Variants in LAMA3 observed in about 807,000 individuals in gnomAD.
The protein encoded by LAMA3 is laminin subunit alpha 3, also known as laminin subunit alpha-3.
Under a neutral mutation model 402.0 loss-of-function variants are expected in LAMA3, and 281 were observed. The observed-to-expected ratio is 0.70, with a 90% CI of 0.63 to 0.77. The LOEUF (loss-of-function observed/expected upper bound fraction) is 0.77. LAMA3 is among the 30% of genes least tolerant of loss of function. The pLI is 0.00. For synonymous variants in LAMA3, 1,431 were observed against 1,558.4 expected, an observed-to-expected ratio of 0.92 and a Z score of 1.93; for missense variants, 3,840 against 4,215.5, an observed-to-expected ratio of 0.91 and a Z score of 2.47.
At chr18:23,817,621 A>G (rs2063201787) in intron 18 of LAMA3, among the ~76,000 whole-genome samples, 1 of 152,182 alleles carries the variant, frequency 6.6e-6, no homozygotes, top group Non-Finnish European at 1.5e-5. Flanking sequence ...AGGCTGAGGC[A>G]GGAGGATAGC....
Position 23,738,486 on chromosome 18 carries a change from A to G in LAMA3, c.448-9457A>G, listed in dbSNP as rs546078600. 7.2e-5 allele frequency among the ~76,000 whole-genome samples: 11 copies of G among 152,196 alleles called. No homozygotes were observed. In the East Asian group the frequency reaches 2.1e-3, roughly 29 times the overall value. On this transcript the variant is annotated intron_variant, in intron 2 of 74. Transcript: ENST00000313654. ...ATTTTGCTAGTGAAAGAAAAACAGT[A>G]CTCAATGAGGGTGGAGGGAGCATAG...
intron 48 of LAMA3, among the ~76,000 whole-genome samples, chr18:23,901,842 C>T (rs973806542): frequency 2.6e-5 from 4 of 152,234 alleles, no homozygotes; most frequent in South Asian, 2.1e-4. Flanking sequence ...ATATATTTGG[C>T]GCCACCACGC....
chr18:23,789,621 A>G (rs1488317398), intron 12 of LAMA3, among the ~76,000 whole-genome samples: 1 of 152,218 alleles, frequency 6.6e-6, no homozygotes, highest in African/African-American at 2.4e-5. Flanking sequence ...AGGAAAATTT[A>G]TAGAGATTGA....
At chr18:23,750,069 C>T (rs569579512) in intron 4 of LAMA3, among the ~76,000 whole-genome samples, 18 of 152,262 alleles carry the variant, frequency 1.2e-4, no homozygotes, top group East Asian at 3.9e-4. Flanking sequence ...GCCGATCCTA[C>T]GTGATCCCTG....
intron 42 of LAMA3, among the ~76,000 whole-genome samples, chr18:23,893,795 G>T (rs2080776602): frequency 6.6e-6 from 1 of 152,114 alleles, no homozygotes; most frequent in African/African-American, 2.4e-5. Context: ...GCTAGCATGG[G>T]GCTCTGTTAC....
At chr18:23,952,455 T>G (rs373341408) in intron 73 of LAMA3, among the ~76,000 whole-genome samples, 1 of 152,250 alleles carries the variant, frequency 6.6e-6, no homozygotes, top group Non-Finnish European at 1.5e-5. Context: ...TAGAGATCTA[T>G]GAACCCATAT....
chr18:23,808,204 A>C (rs1218210248), intron 12 of LAMA3, among the ~76,000 whole-genome samples: 2 of 152,126 alleles, frequency 1.3e-5, no homozygotes, highest in African/African-American at 4.8e-5. Flanking sequence ...TGGGCACCAA[A>C]AGGCAAGGAT....
intron 6 of LAMA3, among the ~76,000 whole-genome samples, chr18:23,754,704 T>C (rs1409068393): frequency 2.0e-5 from 3 of 152,214 alleles, no homozygotes; most frequent in Admixed American, 6.5e-5. Flanking sequence ...GCATGAGTCT[T>C]AAATGTTGAG....
At chr18:23,777,455 C>A in intron 10 of LAMA3, 102 bp from the exon 11 acceptor site, 1 of 821,444 alleles carries the variant, frequency 1.2e-6, no homozygotes, top group South Asian at 1.4e-5. Flanking sequence ...TGCTACTTTT[C>A]ACTAAGTGAC....
At chr18:23,765,747 C>T (rs957631271) in intron 8 of LAMA3, among the ~76,000 whole-genome samples, 5 of 151,876 alleles carry the variant, frequency 3.3e-5, no homozygotes, top group African/African-American at 1.2e-4. Flanking sequence ...TAATAAATAT[C>T]AGTAGGGAAA....
At chr18:23,942,703 A>G (rs1239629710) in intron 68 of LAMA3, among the ~76,000 whole-genome samples, 2 of 151,206 alleles carry the variant, frequency 1.3e-5, no homozygotes, top group African/African-American at 4.9e-5. Context: ...TCAGCCTCCC[A>G]AGTTAGTTGG....
At chr18:23,836,558 T>A (rs2063585190) in intron 24 of LAMA3, among the ~76,000 whole-genome samples, 1 of 152,194 alleles carries the variant, frequency 6.6e-6, no homozygotes, top group Admixed American at 6.5e-5. Context: ...ACTCAGGGTC[T>A]TTCCATGCTG....
intron 58 of LAMA3, 89 bp downstream of exon 58, chr18:23,914,949 A>T: frequency 9.1e-7 from 1 of 1,097,174 alleles, no homozygotes; most frequent in Non-Finnish European, 1.4e-6. Context: ...TTAATTACAT[A>T]TAAAATGGAT....
intron 6 of LAMA3, 97 bp from the exon 7 acceptor site, chr18:23,758,299 G>T: frequency 1.2e-6 from 1 of 806,386 alleles, no homozygotes; most frequent in South Asian, 1.5e-5. Flanking sequence ...TGCCGTGGAT[G>T]ACCGTGATGA....
In LAMA3 at chr18:23,847,619, A is replaced by G; in HGVS notation, c.4087A>G (p.Thr1363Ala). 1 of 1,613,994 alleles carries G rather than the reference A, an allele frequency of 6.2e-7. No individual in the cohort carries two copies. The highest frequency in any genetic ancestry group is 8.5e-7 in the Non-Finnish European group (1 of 1,180,012). The stretch of plus-strand genomic sequence containing the variant: ...AGGCTGCAACTGTTCCAGGAGGGGC[A>G]CCATCGAGGCTGCCATGCCGGAGTG... ...CEGCNCSRRG[T>A]IEAAMPECDR... The change falls in exon 32 of 75, where the codon ACC becomes GCC. Residue 1363 changes from threonine (T) to alanine (A), a missense_variant. By Grantham distance (58) the Thr-to-Ala change is moderately conservative. Coordinates refer to ENST00000313654, the MANE Select transcript of LAMA3 (RefSeq NM_198129.4).
rs569112791 is a variant in LAMA3, at chr18:23,947,545, C to T, written c.9351+1261C>T. 1.1e-4 allele frequency among the ~76,000 whole-genome samples: 17 copies of T among 152,288 alleles called. No individual in the cohort carries two copies. In the South Asian group the frequency reaches 3.3e-3, roughly 30 times the overall value. ...TAGGCTGCCCTAGCCTTGACCAGGG[C>T]TCAGCCTGGCCCTCTTGGGTTTTGC... On this transcript the variant is annotated intron_variant, in intron 70 of 74. Coordinates refer to ENST00000313654, the MANE Select transcript of LAMA3 (RefSeq NM_198129.4).
intron 12 of LAMA3, among the ~76,000 whole-genome samples, chr18:23,799,151 C>G (rs2062822914): frequency 6.6e-6 from 1 of 152,216 alleles, no homozygotes; most frequent in East Asian, 1.9e-4. Flanking sequence ...CCCCTGTCCT[C>G]TAGGACCTTT....
chr18:23,928,862 C>T (rs1402090016), intron 64 of LAMA3, 97 bp downstream of exon 64: 9 of 1,181,426 alleles, frequency 7.6e-6, no homozygotes, highest in Non-Finnish European at 1.1e-5. Context: ...TGGAGTTGTA[C>T]ATTTTTTCTA....
intron 2 of LAMA3, among the ~76,000 whole-genome samples, chr18:23,727,394 C>T (rs143019686): frequency 2.3e-3 from 354 of 151,936 alleles, no homozygotes; most frequent in African/African-American, 7.0e-3. Flanking sequence ...GGCATGATCT[C>T]GGCTCACTGC....
Sources: allele counts gnomAD v4.1 joint callset (sites outside exome capture counted in the v4.1 genomes callset), GRCh38; gene constraint gnomAD v4.1.1; transcripts MANE v1.5; gene names NCBI Gene and HGNC (gene_info 2026-07-23, HGNC 2026-07-21).